The following IMMP2L variants were observed in gnomAD, a reference collection of about 807,000 sequenced individuals.
IMMP2L encodes inner mitochondrial membrane peptidase subunit 2, also known as mitochondrial inner membrane protease subunit 2.
IMMP2L carries 18 observed loss-of-function variants against 19.3 expected under a neutral mutation model. The observed-to-expected ratio is 0.93, with a 90% CI of 0.64 to 1.38. IMMP2L has a LOEUF of 1.38. IMMP2L is among the 40% of genes most tolerant of loss of function. IMMP2L has a pLI of 0.00. For missense variants in IMMP2L, 233 were observed against 218.2 expected, an observed-to-expected ratio of 1.07 and a Z score of -0.43; for synonymous variants, 76 against 73.0, an observed-to-expected ratio of 1.04 and a Z score of -0.21.
chr7:110,732,991 A>G (rs1246699854), intron 5 of IMMP2L, among the ~76,000 whole-genome samples: 1 of 151,996 alleles, frequency 6.6e-6, no homozygotes, highest in Non-Finnish European at 1.5e-5. Flanking sequence ...TCTCACTATG[A>G]TTCCCAGGCT....
chr7:111,241,539 C>A (rs1328901773), intron 3 of IMMP2L, among the ~76,000 whole-genome samples: 1 of 151,848 alleles, frequency 6.6e-6, no homozygotes, highest in Non-Finnish European at 1.5e-5. Context: ...GCAAGGACAA[C>A]CCTACACATG....
intron 3 of IMMP2L, among the ~76,000 whole-genome samples, chr7:111,064,872 A>C (rs935906809): frequency 6.6e-6 from 1 of 152,214 alleles, no homozygotes; most frequent in African/African-American, 2.4e-5. Context: ...CAGGAGATCA[A>C]TTAGGGCATC....
intron 3 of IMMP2L, among the ~76,000 whole-genome samples, chr7:111,011,749 C>T (rs1421838719): frequency 2.0e-5 from 3 of 152,108 alleles, no homozygotes; most frequent in African/African-American, 4.8e-5. Flanking sequence ...CAAATGAAAA[C>T]AAATAAATTA....
At chr7:111,169,007 T>C (rs1000752704) in intron 3 of IMMP2L, among the ~76,000 whole-genome samples, 1 of 151,858 alleles carries the variant, frequency 6.6e-6, no homozygotes, top group Admixed American at 6.6e-5. Context: ...ACTCCATTTT[T>C]GTTAAGGGGC....
intron 3 of IMMP2L, among the ~76,000 whole-genome samples, chr7:111,253,904 G>C (rs1393137058): frequency 6.6e-6 from 1 of 152,100 alleles, no homozygotes; most frequent in East Asian, 1.9e-4. Context: ...AACAAATCCA[G>C]ATATCAGAAT....
At chr7:110,878,983 T>C (rs922291960) in intron 5 of IMMP2L, among the ~76,000 whole-genome samples, 1 of 152,168 alleles carries the variant, frequency 6.6e-6, no homozygotes, top group Non-Finnish European at 1.5e-5. Context: ...AGACATGTAG[T>C]ATTTAGACCT....
intron 3 of IMMP2L, among the ~76,000 whole-genome samples, chr7:111,048,005 C>T (rs543380513): frequency 7.3e-5 from 11 of 151,528 alleles, no homozygotes; most frequent in African/African-American, 2.2e-4. Flanking sequence ...TTTGGGAGGC[C>T]GAGGCAGGCA....
intron 1 of IMMP2L, among the ~76,000 whole-genome samples, chr7:111,525,599 C>T (rs1361294742): frequency 8.6e-5 from 13 of 151,768 alleles, no homozygotes. Flanking sequence ...TTAAAATGGG[C>T]AGATTTATGT....
chr7:111,361,279 T>C (rs1338206024), intron 3 of IMMP2L, among the ~76,000 whole-genome samples: 2 of 152,168 alleles, frequency 1.3e-5, no homozygotes, highest in African/African-American at 4.8e-5. Context: ...CTGTTCCCTA[T>C]TATTCTCACT....
chr7:111,105,753 G>A (rs1021210295), intron 3 of IMMP2L, among the ~76,000 whole-genome samples: 12 of 151,508 alleles, frequency 7.9e-5, no homozygotes, highest in Admixed American at 7.3e-4. Flanking sequence ...TATGCAAAAG[G>A]TGAAAAGAAA....
chr7:111,489,124 A>G (rs758226967), intron 2 of IMMP2L, among the ~76,000 whole-genome samples: 2 of 148,202 alleles, frequency 1.3e-5, no homozygotes, highest in African/African-American at 2.5e-5. Context: ...GCTCACTGCA[A>G]TCTCCGCCTC....
At position 110,728,393 on chromosome 7, in the gene IMMP2L, G is replaced by A. The variant is rs894656608; in HGVS notation, c.409-64672C>T. Among the ~76,000 whole-genome samples the A allele has an allele frequency of 2.6e-5, 4 of 152,016 alleles. No homozygotes were observed. The East Asian group carries it at 7.7e-4, about 29-fold the overall frequency. ...GTGTGCCTGTAAACCCAGCTACTCG[G>A]GAGGCTGAGGCACGAGAATCGCTTG... On this transcript the variant is annotated intron_variant, in intron 5 of 5. Coordinates refer to ENST00000405709, the MANE Select transcript of IMMP2L (RefSeq NM_032549.4). This position sits in a 1 kb window ranked among gnomAD's most constrained non-coding sequence, Gnocchi z 4.6.
intron 3 of IMMP2L, among the ~76,000 whole-genome samples, chr7:111,234,074 TTAAG>T (rs1011077538): frequency 1.9e-4 from 29 of 152,094 alleles, no homozygotes; most frequent in Non-Finnish European, 7.4e-5. Flanking sequence ...AAATTTCCCT[TTAAG>T]TATTGTTTTA....
chr7:110,991,809 C>A (rs993543473), intron 3 of IMMP2L, among the ~76,000 whole-genome samples: 2 of 151,770 alleles, frequency 1.3e-5, no homozygotes, highest in African/African-American at 4.9e-5. Flanking sequence ...ATGGTTTCCA[C>A]AATAACCGTC....
At chr7:111,362,995 T>C (rs1473073339) in intron 3 of IMMP2L, among the ~76,000 whole-genome samples, 1 of 152,112 alleles carries the variant, frequency 6.6e-6, no homozygotes, top group Non-Finnish European at 1.5e-5. Context: ...ATGTGCAACC[T>C]TGGCAAACAA....
intron 1 of IMMP2L, among the ~76,000 whole-genome samples, chr7:111,521,753 T>C (rs546207470): frequency 6.6e-6 from 1 of 152,218 alleles, no homozygotes; most frequent in Admixed American, 6.5e-5. Context: ...TTCTTTTCTG[T>C]TGCTATTATG....
chr7:111,435,336 G>A (rs766320986), intron 3 of IMMP2L, among the ~76,000 whole-genome samples: 4 of 151,822 alleles, frequency 2.6e-5, no homozygotes, highest in Non-Finnish European at 5.9e-5. Flanking sequence ...ATACAACTTA[G>A]AATACTATGC....
At chr7:111,397,045 G>T (rs937751629) in intron 3 of IMMP2L, among the ~76,000 whole-genome samples, 1 of 151,582 alleles carries the variant, frequency 6.6e-6, no homozygotes, top group African/African-American at 2.4e-5. Context: ...CTGAGATCGC[G>T]CCACTGCACT....
intron 5 of IMMP2L, among the ~76,000 whole-genome samples, chr7:110,800,562 G>A (rs1763673050): frequency 6.6e-6 from 1 of 151,952 alleles, no homozygotes; most frequent in African/African-American, 2.4e-5. Flanking sequence ...ATAAGAAGAA[G>A]GAATCATAGT....
Sources: gnomAD v4.1 joint callset for allele counts (sites outside exome capture counted in the v4.1 genomes callset) on GRCh38, gnomAD v4.1.1 for gene constraint, Gnocchi (gnomAD v3.1) non-coding constraint, MANE v1.5 for transcripts, NCBI Gene and HGNC (gene_info 2026-07-23, HGNC 2026-07-21) for gene names.